ATP8B4: variants seen among roughly 807,000 people sequenced by gnomAD.
The protein encoded by ATP8B4 is ATPase phospholipid transporting 8B4 (putative).
In ATP8B4, 133 loss-of-function variants were observed where a neutral mutation model predicts 145.6. The observed-to-expected ratio is 0.91, with a 90% CI of 0.79 to 1.05. The LOEUF is 1.05. ATP8B4 is among the 50% of genes least tolerant of loss of function. The pLI, the probability that ATP8B4 is intolerant of heterozygous loss-of-function variation, is 0.00. For missense variants in ATP8B4, 1,458 were observed against 1,425.2 expected (o/e 1.02, Z -0.37); for synonymous variants, 507 against 492.9 (o/e 1.03, Z -0.38).
At chr15:49,977,909 A>G (rs2045813395) in intron 12 of ATP8B4, among the ~76,000 whole-genome samples, 1 of 152,194 alleles carries the variant, frequency 6.6e-6, no homozygotes, top group Admixed American at 6.6e-5. Flanking sequence ...TAAGGCACAG[A>G]GAAGCCAAGC....
At chr15:50,030,937 T>C (rs998520790) in intron 6 of ATP8B4, among the ~76,000 whole-genome samples, 9 of 152,174 alleles carry the variant, frequency 5.9e-5, no homozygotes, top group Non-Finnish European at 2.9e-5. Context: ...AGAACTACAA[T>C]AATGTCACGG....
intron 1 of ATP8B4, among the ~76,000 whole-genome samples, chr15:50,147,787 G>C (rs548469805): frequency 1.3e-5 from 2 of 152,142 alleles, no homozygotes; most frequent in East Asian, 3.9e-4. Flanking sequence ...AAAAGAAAAA[G>C]AAAAGATGCC....
intron 1 of ATP8B4, among the ~76,000 whole-genome samples, chr15:50,133,132 T>C (rs1212382406): frequency 6.6e-6 from 1 of 152,126 alleles, no homozygotes; most frequent in Non-Finnish European, 1.5e-5. Context: ...TGAAGTTTTG[T>C]ACATACAATG....
At chr15:50,097,693 T>G (rs1366694835) in intron 2 of ATP8B4, among the ~76,000 whole-genome samples, 1 of 152,050 alleles carries the variant, frequency 6.6e-6, no homozygotes, top group East Asian at 1.9e-4. Flanking sequence ...CCTATACAAG[T>G]CACCTCAGTA....
rs550067397 is a variant in ATP8B4, at chr15:49,959,609, A to T, written c.1287+2368T>A. ...GAAGTTACTATAAACAAAAGAAAAT[A>T]TAGTAAGACAGTGTTATACAAAATT... On this transcript the variant is annotated intron_variant, in intron 14 of 27. Coordinates refer to ENST00000284509, the MANE Select transcript of ATP8B4 (RefSeq NM_024837.4). Among the ~76,000 whole-genome samples, 19 of 152,288 alleles carry T rather than the reference A, an allele frequency of 1.2e-4. No individual in the cohort carries two copies. In the East Asian group the frequency reaches 3.5e-3, roughly 28 times the overall value.
At chr15:50,181,828 A>G (rs2044851177) in intron 1 of ATP8B4, among the ~76,000 whole-genome samples, 1 of 152,228 alleles carries the variant, frequency 6.6e-6, no homozygotes, top group African/African-American at 2.4e-5. Flanking sequence ...GGTACCCGCT[A>G]TTAATAAATA....
intron 1 of ATP8B4, among the ~76,000 whole-genome samples, chr15:50,145,546 A>C (rs1424511957): frequency 6.6e-6 from 1 of 152,216 alleles, no homozygotes; most frequent in Non-Finnish European, 1.5e-5. Flanking sequence ...CCTATCCCAG[A>C]ACACAAAGGA....
intron 2 of ATP8B4, among the ~76,000 whole-genome samples, chr15:50,085,971 G>GATATATATCATATATATTTATATATGAT (rs1175623340): frequency 1.4e-5 from 1 of 73,226 alleles, no homozygotes; most frequent in African/African-American, 7.9e-5. Context: ...ATTTATATAT[G>GATATATATCATATATATTTATATATGAT]ATATATCAAA....
At chr15:49,918,459 A>T (rs761576687) in intron 19 of ATP8B4, among the ~76,000 whole-genome samples, 14 of 152,220 alleles carry the variant, frequency 9.2e-5, no homozygotes, top group Non-Finnish European at 1.8e-4. Context: ...CAAGAAACTA[A>T]AGGAGTAACC....
Position 50,070,909 on chromosome 15 carries a change from A to G in ATP8B4, c.87+3218T>C, listed in dbSNP as rs960433810. On this transcript the variant is annotated intron_variant, in intron 3 of 27. Coordinates refer to ENST00000284509, the MANE Select transcript of ATP8B4 (RefSeq NM_024837.4). ...CGCCCCGCACCACCACACCTGGCTA[A>G]TTTTTGTATTTTTAGTATAGACAGG... Among the ~76,000 whole-genome samples the G allele has an allele frequency of 2.6e-5, 4 of 151,886 alleles. No individual in the cohort carries two copies. The East Asian group carries it at 7.7e-4, about 29-fold the overall frequency.
At chr15:50,181,588 A>C (rs1343801563) in intron 1 of ATP8B4, among the ~76,000 whole-genome samples, 1 of 152,194 alleles carries the variant, frequency 6.6e-6, no homozygotes, top group Non-Finnish European at 1.5e-5. Flanking sequence ...GACTCCCCCG[A>C]CCAGGCAGGG....
intron 13 of ATP8B4, among the ~76,000 whole-genome samples, chr15:49,964,830 T>C (rs28669725): frequency 0.079 from 12,034 of 152,226 alleles, 526 homozygotes; most frequent in Middle Eastern, 0.099. Context: ...CTGGTCCACA[T>C]GTCTGATAAG....
chr15:49,984,767 A>C (rs2153539217), intron 10 of ATP8B4, among the ~76,000 whole-genome samples: 1 of 152,246 alleles, frequency 6.6e-6, no homozygotes, highest in East Asian at 1.9e-4. Context: ...CTAGGGCAGA[A>C]AGAATGGTAG....
chr15:50,165,915 C>T (rs1418853071), intron 1 of ATP8B4, among the ~76,000 whole-genome samples: 4 of 149,660 alleles, frequency 2.7e-5, no homozygotes, highest in African/African-American at 9.8e-5. Flanking sequence ...CCAAATTTTT[C>T]CAAAGATATA....
intron 2 of ATP8B4, among the ~76,000 whole-genome samples, chr15:50,105,405 TATC>T: frequency 6.6e-6 from 1 of 152,154 alleles, no homozygotes; most frequent in East Asian, 1.9e-4. Flanking sequence ...GTGTTCATCA[TATC>T]ATTCTTTCAA....
At chr15:49,957,754 C>T (rs566282393) in intron 14 of ATP8B4, among the ~76,000 whole-genome samples, 150 of 151,792 alleles carry the variant, frequency 9.9e-4, no homozygotes, top group African/African-American at 3.6e-3. Flanking sequence ...ATCAATGTAA[C>T]CAAAAACTAG....
At chr15:49,988,006 T>C (rs1193345083) in intron 9 of ATP8B4, among the ~76,000 whole-genome samples, 2 of 152,218 alleles carry the variant, frequency 1.3e-5, no homozygotes, top group East Asian at 3.8e-4. Flanking sequence ...GACCTCACAA[T>C]CAGGATTTCT....
At chr15:49,863,828 C>G (rs1189181984) in intron 26 of ATP8B4, among the ~76,000 whole-genome samples, 1 of 152,140 alleles carries the variant, frequency 6.6e-6, no homozygotes, top group East Asian at 1.9e-4. Flanking sequence ...AAAAAATTTT[C>G]CTGAAACCCC....
intron 1 of ATP8B4, among the ~76,000 whole-genome samples, chr15:50,136,123 A>G (rs2044118587): frequency 1.3e-5 from 2 of 152,204 alleles, no homozygotes; most frequent in Admixed American, 1.3e-4. Context: ...TCCATCCCAG[A>G]GTTTAAGTAA....
Sources: gnomAD v4.1 joint callset for allele counts (sites outside exome capture counted in the v4.1 genomes callset) on GRCh38, gnomAD v4.1.1 for gene constraint, MANE v1.5 for transcripts, NCBI Gene and HGNC (gene_info 2026-07-23, HGNC 2026-07-21) for gene names.